FSD1L: variants seen among roughly 807,000 people sequenced by gnomAD.
The protein encoded by FSD1L is fibronectin type III and SPRY domain containing 1 like.
Under a neutral mutation model 71.6 loss-of-function variants are expected in FSD1L, and 45 were observed. That is an observed-to-expected ratio of 0.63 (90% confidence interval 0.49 to 0.81). The LOEUF (loss-of-function observed/expected upper bound fraction) is 0.81. Ranked by LOEUF, FSD1L falls within the 30% of genes least tolerant of loss-of-function variation. The pLI is 0.00. For missense variants in FSD1L, 561 were observed against 618.1 expected, an observed-to-expected ratio of 0.91 and a Z score of 0.98; for synonymous variants, 197 against 207.2, an observed-to-expected ratio of 0.95 and a Z score of 0.42.
rs376069658 is a variant in FSD1L, at chr9:105,481,141, CTGTGTG to C, written c.464+1798_464+1803del. 1.7e-3 allele frequency among the ~76,000 whole-genome samples: 140 copies of C among 81,554 alleles called. 2 individuals are homozygous for C. The highest frequency in any genetic ancestry group is 5.3e-3 in the African/African-American group (110 of 20,938). 53.5% of individuals were successfully genotyped at this position (81,554 alleles called of 152,430 possible). A position where few individuals can be genotyped will look rare whatever the true frequency, so the allele number is the denominator to read the frequency against. On this transcript the variant is annotated intron_variant, in intron 6 of 13. Transcript: ENST00000481272. ...TCAGGAATTAGGGTTCAGGCAAACT[CTGTGTG>C]TGTGTGTGTGTGTGTGTGTGTGTGT...
At chr9:105,472,706 T>A (rs1216329802) in intron 5 of FSD1L, 2 of 152,234 alleles carry the variant, frequency 1.3e-5, no homozygotes, top group Non-Finnish European at 2.9e-5. Context: ...GGTAGCTTTA[T>A]AACTGATTTA....
intron 10 of FSD1L, among the ~76,000 whole-genome samples, chr9:105,519,280 C>A (rs1834954577): frequency 2.0e-5 from 3 of 152,086 alleles, no homozygotes; most frequent in Admixed American, 2.0e-4. Flanking sequence ...TAAAAAAAGA[C>A]AAACTCCTCC....
At chr9:105,513,247 A>G (rs1322034578) in intron 10 of FSD1L, among the ~76,000 whole-genome samples, 1 of 152,134 alleles carries the variant, frequency 6.6e-6, no homozygotes, top group Non-Finnish European at 1.5e-5. Flanking sequence ...TGAATTTTAG[A>G]CTTATAGATC....
chr9:105,516,467 C>T (rs1834732770), intron 10 of FSD1L, among the ~76,000 whole-genome samples: 1 of 152,152 alleles, frequency 6.6e-6, no homozygotes, highest in Non-Finnish European at 1.5e-5. Context: ...GCAGTTGCCC[C>T]TCTGGGACGA....
In FSD1L at chr9:105,523,760, A is replaced by G. The variant is rs1413281312; in HGVS notation, c.1026-10733A>G. The G allele has an allele frequency of 5.0e-6, 8 of 1,597,732 alleles. No individual in the cohort carries two copies. In the African/African-American group the frequency reaches 8.0e-5, roughly 16 times the overall value. ...ATGTTTCTCCAAATAGAGATTTTCT[A>G]ACACATTTCTACAATATAATGCATT... On this transcript the variant is annotated intron_variant, in intron 10 of 13. Transcript: ENST00000481272.
Position 105,550,027 on chromosome 9 carries a change from A to G in FSD1L, c.*3544A>G, listed in dbSNP as rs746670954. Reference sequence around the variant, plus strand: ...TAAAAACGTAATTTGTTTTTAAAAGATGAGTCTCCATTCATTGGCTAATCC... The same window carrying G: ...TAAAAACGTAATTTGTTTTTAAAAGGTGAGTCTCCATTCATTGGCTAATCC... On this transcript the variant is annotated 3_prime_UTR_variant, in exon 14 of 14. Transcript: ENST00000481272. 10 of 152,152 alleles carry G rather than the reference A, an allele frequency of 6.6e-5. No individual in the cohort carries two copies. The highest frequency in any genetic ancestry group is 4.1e-4 in the South Asian group (2 of 4,828). 9.4% of individuals were successfully genotyped at this position (152,152 alleles called of 1,614,324 possible). A position where few individuals can be genotyped will look rare whatever the true frequency, so the allele number is the denominator to read the frequency against.
At chr9:105,525,084 C>G in intron 10 of FSD1L, 1 of 1,564,878 alleles carries the variant, frequency 6.4e-7, no homozygotes. Flanking sequence ...TGGGATTCTG[C>G]TATACTGTAT....
intron 10 of FSD1L, among the ~76,000 whole-genome samples, chr9:105,526,639 CATTT>C (rs1361279887): frequency 3.3e-5 from 5 of 152,310 alleles, no homozygotes; most frequent in Admixed American, 1.3e-4. Flanking sequence ...TCTTCCTGTA[CATTT>C]ATTTGAGAAA....
chr9:105,464,367 G>A (rs1830918562), intron 3 of FSD1L, 36 bp downstream of exon 3: 1 of 985,176 alleles, frequency 1.0e-6, no homozygotes, highest in African/African-American at 1.7e-5. Flanking sequence ...GTGTAAATAT[G>A]TCACAATGAG....
chr9:105,467,776 T>TA (rs1223053951), intron 3 of FSD1L, among the ~76,000 whole-genome samples: 5 of 152,224 alleles, frequency 3.3e-5, no homozygotes, highest in East Asian at 1.9e-4. Context: ...ATTACTGAAT[T>TA]AAAATCTCTG....
At chr9:105,520,836 C>G in intron 10 of FSD1L, 1 of 1,612,136 alleles carries the variant, frequency 6.2e-7, no homozygotes, top group Non-Finnish European at 8.5e-7. Context: ...TCCTCTTGTC[C>G]CCCCACAATC....
At chr9:105,529,973 C>T (rs1004304936) in intron 10 of FSD1L, among the ~76,000 whole-genome samples, 4 of 152,100 alleles carry the variant, frequency 2.6e-5, no homozygotes, top group African/African-American at 9.7e-5. Flanking sequence ...GGCACTGAAG[C>T]AGATGGTGTG....
At chr9:105,532,560 G>T (rs1835961783) in intron 10 of FSD1L, among the ~76,000 whole-genome samples, 1 of 151,960 alleles carries the variant, frequency 6.6e-6, no homozygotes, top group Non-Finnish European at 1.5e-5. Flanking sequence ...AACTATTCTG[G>T]AATTTTCCCC....
chr9:105,461,075 A>G (rs1830663254), intron 1 of FSD1L, among the ~76,000 whole-genome samples: 1 of 152,282 alleles, frequency 6.6e-6, no homozygotes, highest in Admixed American at 6.5e-5. Flanking sequence ...CTGGCATAAC[A>G]TAAGCACATA....
At chr9:105,525,625 C>CT (rs1835460087) in intron 10 of FSD1L, 1 of 1,612,346 alleles carries the variant, frequency 6.2e-7, no homozygotes, top group African/African-American at 1.3e-5. Flanking sequence ...TGAAAAGCTA[C>CT]TTAGAGAACT....
At chr9:105,494,272 C>G (rs1373110591) in intron 7 of FSD1L, among the ~76,000 whole-genome samples, 1 of 152,130 alleles carries the variant, frequency 6.6e-6, no homozygotes, top group Non-Finnish European at 1.5e-5. Flanking sequence ...TGCTGATACC[C>G]TTTCTTCCAG....
chr9:105,519,443 C>T (rs1461680208), intron 10 of FSD1L, among the ~76,000 whole-genome samples: 3 of 152,122 alleles, frequency 2.0e-5, no homozygotes, highest in African/African-American at 7.2e-5. Flanking sequence ...CATCAAAAAG[C>T]TATCCACCAC....
At chr9:105,471,724 T>TTATATA (rs35702574) in intron 4 of FSD1L, among the ~76,000 whole-genome samples, 180 bp from the exon 5 acceptor site, 9,051 of 143,144 alleles carry the variant, frequency 0.063, 340 homozygotes, top group East Asian at 0.14. Context: ...ATAACACGTT[T>TTATATA]TATATATATA....
At chr9:105,536,806 T>C (rs765367666) in intron 12 of FSD1L, among the ~76,000 whole-genome samples, 1 of 152,104 alleles carries the variant, frequency 6.6e-6, no homozygotes, top group African/African-American at 2.4e-5. Context: ...CTGGCTAATT[T>C]TTGTATTTTT....
Sources: allele counts gnomAD v4.1 joint callset (sites outside exome capture counted in the v4.1 genomes callset), GRCh38; gene constraint gnomAD v4.1.1; transcripts MANE v1.5; gene names NCBI Gene and HGNC (gene_info 2026-07-23, HGNC 2026-07-21).